GALNT16: variants seen among roughly 807,000 people sequenced by gnomAD.
GALNT16 encodes the protein UDP-GalNAc:polypeptide N-acetylgalactosaminyltransferase-like protein 1.
A neutral mutation model predicts 76.1 loss-of-function variants in GALNT16; 40 were observed. The ratio of observed to expected loss-of-function variants is 0.53; its 90% CI spans 0.41 to 0.68. GALNT16 has a LOEUF of 0.68. Among genes scored for constraint, GALNT16 ranks in the 30% least tolerant of loss-of-function variants. The probability of loss-of-function intolerance (pLI) is 0.00; values close to 1 mark genes in which losing one functional copy is unlikely to be tolerated. For synonymous variants in GALNT16, 276 were observed against 285.2 expected (o/e 0.97, Z 0.32); for missense variants, 621 against 731.9 (o/e 0.85, Z 1.75).
rs1370096565 is a variant in GALNT16 at position 69,352,143 on chromosome 14, A to G, written c.1652A>G (p.Gln551Arg). The change falls in exon 15 of 15, where the codon CAG becomes CGG. Residue 551 changes from glutamine to arginine, a missense_variant. Coordinates refer to ENST00000448469, the MANE Select transcript of GALNT16 (RefSeq NM_001168368.2). ...SKCQADAQAQQWQLLPHT is the reference protein window; with the variant it reads ...SKCQADAQAQRWQLLPHT Reference sequence around the variant, plus strand: ...TGTCAGGCTGACGCCCAGGCCCAGCAGTGGCAGCTGTTGCCACACACATGA... The same window carrying G: ...TGTCAGGCTGACGCCCAGGCCCAGCGGTGGCAGCTGTTGCCACACACATGA... The G allele has an allele frequency of 6.2e-7, 1 of 1,612,794 alleles. No homozygotes were observed. The highest frequency in any genetic ancestry group is 1.1e-5 in the South Asian group (1 of 90,886).
chr14:69,287,964 C>T (rs2044636650), intron 1 of GALNT16, among the ~76,000 whole-genome samples: 1 of 152,196 alleles, frequency 6.6e-6, no homozygotes, highest in Non-Finnish European at 1.5e-5. Flanking sequence ...GCTCTGAATT[C>T]TCCCTGAAGT....
chr14:69,291,714 C>G (rs1185032024), intron 1 of GALNT16, among the ~76,000 whole-genome samples: 2 of 152,172 alleles, frequency 1.3e-5, no homozygotes, highest in Non-Finnish European at 2.9e-5. Context: ...AGTTCCACCC[C>G]CTGGACTTCA....
intron 1 of GALNT16, 124 bp from the exon 2 acceptor site, chr14:69,320,587 A>T: frequency 1.4e-6 from 1 of 715,966 alleles, no homozygotes; most frequent in Non-Finnish European, 2.4e-6. Flanking sequence ...TCTCCTCCTC[A>T]TAGAGTTGGC....
rs1215981423 is a variant in GALNT16 at position 69,354,358 on chromosome 14, TTC to T, written c.*2192_*2193del. The T allele has an allele frequency of 6.5e-6, 1 of 152,952 alleles. No individual in the cohort carries two copies. The highest frequency in any genetic ancestry group is 1.5e-5 in the Non-Finnish European group (1 of 68,160). The allele number at this position is 152,952 out of a possible 1,614,324, so 9.5% of individuals were successfully genotyped here. The stretch of plus-strand genomic sequence containing the variant: ...GGTCCTTTGTGGCAACGCAGCCCTG[TTC>T]TGTTTTTGCTTTTCCTCTTCTTGAC... On this transcript the variant is annotated 3_prime_UTR_variant, in exon 15 of 15. Transcript: ENST00000448469.
At position 69,333,863 on chromosome 14, in the gene GALNT16, G is replaced by A; in HGVS notation, c.967+263G>A. 1 of 435,748 alleles carries A rather than the reference G, an allele frequency of 2.3e-6. No individual in the cohort carries two copies. Among genetic ancestry groups the A allele is most frequent in the South Asian group, 2.7e-5 (1 of 36,372 alleles). 27.0% of individuals were successfully genotyped at this position (435,748 alleles called of 1,614,324 possible). A position where few individuals can be genotyped will look rare whatever the true frequency, so the allele number is the denominator to read the frequency against. ...AGGTTCTATTTAGGGGGAGCCCGTG[G>A]TCACATGGCTGGACATGTGTGTGGA... On this transcript the variant is annotated intron_variant, in intron 9 of 14. Coordinates refer to ENST00000448469, the MANE Select transcript of GALNT16 (RefSeq NM_001168368.2). This position sits in a 1 kb window ranked among gnomAD's most constrained non-coding sequence, Gnocchi z 4.2.
At chr14:69,277,026 T>C (rs1401180808) in intron 1 of GALNT16, among the ~76,000 whole-genome samples, 1 of 152,136 alleles carries the variant, frequency 6.6e-6, no homozygotes, top group African/African-American at 2.4e-5. Context: ...TGGACTGGCA[T>C]TGAAGGCACT....
At chr14:69,337,803 G>A (rs976029093) in intron 9 of GALNT16, among the ~76,000 whole-genome samples, 2 of 152,170 alleles carry the variant, frequency 1.3e-5, no homozygotes, top group South Asian at 2.1e-4. Flanking sequence ...GCTAGTTACT[G>A]GGAGGGTCCT....
At chr14:69,260,907 T>G (rs984679029) in intron 1 of GALNT16, among the ~76,000 whole-genome samples, 4 of 151,626 alleles carry the variant, frequency 2.6e-5, no homozygotes, top group African/African-American at 9.7e-5. Context: ...TCCAGCCTTC[T>G]GGGGGCAGAG....
At chr14:69,282,727 G>A (rs1050280381) in intron 1 of GALNT16, among the ~76,000 whole-genome samples, 20 of 151,990 alleles carry the variant, frequency 1.3e-4, no homozygotes, top group Admixed American at 6.6e-4. Context: ...GTGCAGTGGT[G>A]CTATCTTGGC....
the GALNT16 span, among the ~76,000 whole-genome samples, chr14:69,367,900 C>T: frequency 5.9e-5 from 9 of 151,842 alleles, no homozygotes; most frequent in East Asian, 1.9e-4. Context: ...GGCTGAGGTG[C>T]GAGGATCGCT....
At chr14:69,290,303 G>A (rs767436978) in intron 1 of GALNT16, among the ~76,000 whole-genome samples, 6 of 152,222 alleles carry the variant, frequency 3.9e-5, no homozygotes, top group Non-Finnish European at 7.3e-5. Flanking sequence ...GTTCCCAGGA[G>A]AAGGACCCTT....
chr14:69,333,631 A>G lies in GALNT16; in HGVS notation c.967+31A>G, dbSNP rs1180838714. Reference sequence around the variant, plus strand: ...TTGGGAAATAGTGACAGTGAAAATAACAGTAGCAGTAATAACCACAGTTAA... The same window carrying G: ...TTGGGAAATAGTGACAGTGAAAATAGCAGTAGCAGTAATAACCACAGTTAA... On this transcript the variant is annotated intron_variant, in intron 9 of 14. Transcript: ENST00000448469. This position sits in a 1 kb window ranked among gnomAD's most constrained non-coding sequence, Gnocchi z 4.2. 8.9e-7 allele frequency: 1 copy of G among 1,129,774 alleles called. No individual in the cohort carries two copies. Among genetic ancestry groups the G allele is most frequent in the Non-Finnish European group, 1.3e-6 (1 of 748,890 alleles). The allele number at this position is 1,129,774 out of a possible 1,614,324, so 70.0% of individuals were successfully genotyped here.
chr14:69,321,913 G>A (rs1250695465), intron 2 of GALNT16, among the ~76,000 whole-genome samples: 3 of 152,262 alleles, frequency 2.0e-5, no homozygotes, highest in Non-Finnish European at 4.4e-5. Context: ...GTCCTGGCTT[G>A]AGGGTAGCAA....
chr14:69,306,234 C>T (rs1328589009), intron 1 of GALNT16, among the ~76,000 whole-genome samples: 1 of 152,106 alleles, frequency 6.6e-6, no homozygotes, highest in African/African-American at 2.4e-5. Context: ...ATTAATTTGG[C>T]TGTTTGTTGT....
At chr14:69,328,419 C>T (rs1451344186) in intron 5 of GALNT16, 31 bp from the exon 6 acceptor site, 2 of 1,606,156 alleles carry the variant, frequency 1.2e-6, no homozygotes, top group African/African-American at 1.3e-5. Context: ...GGCCCAGTCC[C>T]AGCGCCAAGC....
intron 1 of GALNT16, among the ~76,000 whole-genome samples, chr14:69,309,232 AG>A (rs763621334): frequency 6.6e-5 from 10 of 152,010 alleles, no homozygotes; most frequent in Non-Finnish European, 1.5e-4. Flanking sequence ...AGGGGCACAA[AG>A]CTTTCATGAC....
the GALNT16 span, among the ~76,000 whole-genome samples, chr14:69,363,643 G>A: frequency 6.6e-6 from 1 of 151,332 alleles, no homozygotes; most frequent in African/African-American, 2.4e-5. Flanking sequence ...TGGATTGCCA[G>A]AGCTTGGTAC....
chr14:69,306,925 A>G (rs1206214930), intron 1 of GALNT16, among the ~76,000 whole-genome samples: 2 of 152,236 alleles, frequency 1.3e-5, no homozygotes, highest in Non-Finnish European at 2.9e-5. Context: ...ATATTAGGTA[A>G]GGAAGAAAAG....
At chr14:69,292,353 A>G (rs1825859290) in intron 1 of GALNT16, among the ~76,000 whole-genome samples, 1 of 152,220 alleles carries the variant, frequency 6.6e-6, no homozygotes, top group South Asian at 2.1e-4. Flanking sequence ...CCTGAGACAG[A>G]GGGGAAAAGG....
Sources: allele counts gnomAD v4.1 joint callset (sites outside exome capture counted in the v4.1 genomes callset), GRCh38; gene constraint gnomAD v4.1.1; non-coding constraint Gnocchi (gnomAD v3.1); transcripts MANE v1.5; gene names NCBI Gene and HGNC (gene_info 2026-07-23, HGNC 2026-07-21).